Variants in AP1G2 observed in about 807,000 individuals in gnomAD.
The protein encoded by AP1G2 is AP-1 complex subunit gamma-like 2.
In AP1G2, 85 loss-of-function variants were observed where a neutral mutation model predicts 95.8. The ratio of observed to expected loss-of-function variants is 0.89; its 90% CI spans 0.74 to 1.06. The LOEUF is 1.06. Ranked by LOEUF, AP1G2 falls within the 50% of genes least tolerant of loss-of-function variation. The probability of loss-of-function intolerance (pLI) is 0.00; values close to 1 mark genes in which losing one functional copy is unlikely to be tolerated. For synonymous variants in AP1G2, 378 were observed against 400.0 expected (o/e 0.94, Z 0.66); for missense variants, 967 against 1,005.8 (o/e 0.96, Z 0.52).
Position 23,562,965 on chromosome 14 carries a change from G to A in AP1G2, c.1411-372C>T, listed in dbSNP as rs1331490156. 3.8e-6 allele frequency: 3 copies of A among 781,242 alleles called. No homozygotes were observed. In the African/African-American group the frequency reaches 5.4e-5, roughly 14 times the overall value. 48.4% of individuals were successfully genotyped at this position (781,242 alleles called of 1,614,324 possible). A position where few individuals can be genotyped will look rare whatever the true frequency, so the allele number is the denominator to read the frequency against. On this transcript the variant is annotated intron_variant, in intron 14 of 21. Coordinates refer to ENST00000397120, the MANE Select transcript of AP1G2 (RefSeq NM_003917.5). Reference sequence around the variant, plus strand: ...CTAACCAAACAGGATGGAAATGTGAGAGGGTCCCTCCCTTGTGGAAGGGGT... The same window carrying A: ...CTAACCAAACAGGATGGAAATGTGAAAGGGTCCCTCCCTTGTGGAAGGGGT...
At position 23,566,182 on chromosome 14, in the gene AP1G2, G is replaced by A. The variant is rs1303179333; in HGVS notation, c.472-22C>T. On this transcript the variant is annotated intron_variant, in intron 4 of 21. Transcript: ENST00000397120. ...TAGCCTGCAGAGGTCAGGGGCCTCA[G>A]ACAGGGGTCAGAGGAGATGGACCCC... 1.9e-6 allele frequency: 3 copies of A among 1,594,980 alleles called. No individual in the cohort carries two copies. In the African/African-American group the frequency reaches 4.0e-5, roughly 21 times the overall value.
At position 23,561,783 on chromosome 14, in the gene AP1G2, G is replaced by C. The variant is rs986326623; in HGVS notation, c.1734-148C>G. The C allele has an allele frequency of 4.1e-6, 6 of 1,465,512 alleles. No individual in the cohort carries two copies. In the African/African-American group the frequency reaches 7.1e-5, roughly 17 times the overall value. The allele number at this position is 1,465,512 out of a possible 1,614,324, so 90.8% of individuals were successfully genotyped here. A position where few individuals can be genotyped will look rare whatever the true frequency, so the allele number is the denominator to read the frequency against. ...TTTCCTAAAATGACATGTTGTTGCT[G>C]ATTTTCAGATGAACAAGGAGGGTTG... On this transcript the variant is annotated intron_variant, in intron 17 of 21. Coordinates refer to ENST00000397120, the MANE Select transcript of AP1G2 (RefSeq NM_003917.5).
At chr14:23,561,898 G>T in intron 17 of AP1G2, 64 bp downstream of exon 17, 1 of 1,540,546 alleles carries the variant, frequency 6.5e-7, no homozygotes, top group South Asian at 1.2e-5. Flanking sequence ...CTTGTACCTA[G>T]AAAAGGGCAT....
At position 23,567,375 on chromosome 14, in the gene AP1G2, G is replaced by A. The variant is rs1210410942; in HGVS notation, c.-5-56C>T. On this transcript the variant is annotated intron_variant, in intron 1 of 21. Coordinates refer to ENST00000397120, the MANE Select transcript of AP1G2 (RefSeq NM_003917.5). The surrounding 1 kb of genome is among the most constrained non-coding windows in gnomAD (Gnocchi z 5.3). ...TCTGGTCGGGCGTGCCTGGGCTTTC[G>A]GCCCAGGCCCGTCCTGTGTCAAGAC... The A allele has an allele frequency of 6.5e-7, 1 of 1,544,570 alleles. No homozygotes were observed. Among genetic ancestry groups the A allele is most frequent in the African/African-American group, 1.4e-5 (1 of 71,924 alleles).
At chr14:23,563,526 G>C (rs771582263) in intron 13 of AP1G2, 24 bp from the exon 14 acceptor site, 22 of 1,614,140 alleles carry the variant, frequency 1.4e-5, no homozygotes, top group Non-Finnish European at 1.8e-5. Context: ...GCATGGCCAA[G>C]TCAGTGTGGT....
At chr14:23,565,957 CCTGTGTGTGT>C in intron 5 of AP1G2, 65 bp from the exon 6 acceptor site, 1 of 1,607,172 alleles carries the variant, frequency 6.2e-7, no homozygotes, top group Non-Finnish European at 8.5e-7. Context: ...TGCGTGTGTG[CCTGTGTGTGT>C]GCACTACCCT....
chr14:23,562,784 G>A (rs888232008), intron 14 of AP1G2, 191 bp from the exon 15 acceptor site: 2 of 635,522 alleles, frequency 3.1e-6, no homozygotes, highest in African/African-American at 3.7e-5. Flanking sequence ...AAGAAACACT[G>A]CTGGGCCAGT....
chr14:23,564,961 C>A, intron 8 of AP1G2, 158 bp downstream of exon 8: 1 of 756,884 alleles, frequency 1.3e-6, no homozygotes, highest in Non-Finnish European at 2.2e-6. Flanking sequence ...GGCAATAGCA[C>A]TAAGACAGAC....
rs761868204 is a variant in AP1G2 at position 23,566,577 on chromosome 14, G to A, written c.314C>T (p.Thr105Ile). Residue 105 changes from threonine (T) to isoleucine (I), a missense_variant, in exon 3 of 22, where the codon ACC becomes ATC. Physicochemically the swap from Thr to Ile is moderately conservative, Grantham distance 89. Coordinates refer to ENST00000397120, the MANE Select transcript of AP1G2 (RefSeq NM_003917.5). ...DERHDAHLLI[T>I]NSIKNDLSQG... ...ACCCTCTCACTTCTTGATGCTGTTGGTAATGAGCAGGTGGGCATCGTGCCT... is the reference window on the plus strand; with the variant it reads ...ACCCTCTCACTTCTTGATGCTGTTGATAATGAGCAGGTGGGCATCGTGCCT... The A allele has an allele frequency of 1.2e-6, 2 of 1,614,156 alleles. No homozygotes were observed. Among genetic ancestry groups the A allele is most frequent in the Admixed American group, 3.3e-5 (2 of 60,030 alleles).
At position 23,567,386 on chromosome 14, in the gene AP1G2, G is replaced by A. The variant is rs568501245; in HGVS notation, c.-5-67C>T. 2.0e-6 allele frequency: 3 copies of A among 1,475,976 alleles called. No homozygotes were observed. The highest frequency in any genetic ancestry group is 1.4e-5 in the African/African-American group (1 of 69,212). The allele number at this position is 1,475,976 out of a possible 1,614,324, so 91.4% of individuals were successfully genotyped here. A position where few individuals can be genotyped will look rare whatever the true frequency, so the allele number is the denominator to read the frequency against. On this transcript the variant is annotated intron_variant, in intron 1 of 21. Transcript: ENST00000397120. This position sits in a 1 kb window ranked among gnomAD's most constrained non-coding sequence, Gnocchi z 5.3. ...GTGCCTGGGCTTTCGGCCCAGGCCCGTCCTGTGTCAAGACCCTAAGAGCCC... is the reference window on the plus strand; with the variant it reads ...GTGCCTGGGCTTTCGGCCCAGGCCCATCCTGTGTCAAGACCCTAAGAGCCC...
chr14:23,567,044 A>G lies in AP1G2; in HGVS notation c.204+67T>C. 6.7e-7 allele frequency: 1 copy of G among 1,497,186 alleles called. No homozygotes were observed. Among genetic ancestry groups the G allele is most frequent in the East Asian group, 2.3e-5 (1 of 43,472 alleles). The allele number at this position is 1,497,186 out of a possible 1,614,324, so 92.7% of individuals were successfully genotyped here. A position where few individuals can be genotyped will look rare whatever the true frequency, so the allele number is the denominator to read the frequency against. On this transcript the variant is annotated intron_variant, in intron 2 of 21. Transcript: ENST00000397120. The surrounding 1 kb of genome is among the most constrained non-coding windows in gnomAD (Gnocchi z 5.3). ...TAAAAAACCAGGGCATAAACAGGTG[A>G]GAGAGTCTGGGACTCTGCCCCACTA...
At chr14:23,560,599 A>G (rs1048853398) in intron 19 of AP1G2, 181 bp from the exon 20 acceptor site, 2 of 580,688 alleles carry the variant, frequency 3.4e-6, no homozygotes, top group African/African-American at 1.9e-5. Context: ...ACAATAAAAA[A>G]AGGCCGGGCG....
chr14:23,560,156 CTCAA>C, intron 20 of AP1G2, 95 bp downstream of exon 20: 1 of 1,501,138 alleles, frequency 6.7e-7, no homozygotes, highest in Non-Finnish European at 9.1e-7. Flanking sequence ...CTCCAGATGA[CTCAA>C]TCCCATCTCA....
Position 23,566,050 on chromosome 14 carries a change from C to G in AP1G2, c.568+14G>C, listed in dbSNP as rs1219835505. 6.2e-7 allele frequency: 1 copy of G among 1,614,092 alleles called. No individual in the cohort carries two copies. The highest frequency in any genetic ancestry group is 8.5e-7 in the Non-Finnish European group (1 of 1,180,016). On this transcript the variant is annotated intron_variant, in intron 5 of 21. Coordinates refer to ENST00000397120, the MANE Select transcript of AP1G2 (RefSeq NM_003917.5). ...TAGACCTGAAGCAAAGGATGGGGGG[C>G]CCCACAGCCTTACCATGGTGACGCT...
chr14:23,565,900 C>T lies in AP1G2; in HGVS notation c.569-8G>A. 6.3e-7 allele frequency: 1 copy of T among 1,593,034 alleles called. No homozygotes were observed. Among genetic ancestry groups the T allele is most frequent in the South Asian group, 1.1e-5 (1 of 88,344 alleles). ...TGGTGCCCAGCAGGATGCCTGGGGT[C>T]AGCGTCGGGGAAGTGAATGGTGGGG... On this transcript the variant is annotated splice_polypyrimidine_tract_variant and splice_region_variant and intron_variant, in intron 5 of 21. Coordinates refer to ENST00000397120, the MANE Select transcript of AP1G2 (RefSeq NM_003917.5).
chr14:23,562,088 G>A, intron 16 of AP1G2, 22 bp from the exon 17 acceptor site: 5 of 1,611,042 alleles, frequency 3.1e-6, no homozygotes, highest in Non-Finnish European at 4.2e-6. Context: ...TAGTATGTAA[G>A]TGGCTATGGC....
At chr14:23,562,727 A>ACCG (rs552368679) in intron 14 of AP1G2, 134 bp from the exon 15 acceptor site, 2 of 741,832 alleles carry the variant, frequency 2.7e-6, no homozygotes, top group African/African-American at 3.7e-5. Flanking sequence ...ACAAAGCGAG[A>ACCG]CCCCCCCCAT....
At position 23,560,351 on chromosome 14, in the gene AP1G2, G is replaced by T. The variant is rs538841677; in HGVS notation, c.2061C>A (p.Pro687=). ...GVQLNLSFIR[P]PENPALLLIT... The stretch of plus-strand genomic sequence containing the variant: ...TTAACAGCAAAGCAGGGTTTTCAGG[G>T]GGTCGAATGAAAGACAGATTCAGCT... The change falls in exon 20 of 22, where the codon CCC becomes CCA. Residue 687 remains proline, a synonymous_variant. Coordinates refer to ENST00000397120, the MANE Select transcript of AP1G2 (RefSeq NM_003917.5). 1 of 1,613,982 alleles carries T rather than the reference G, an allele frequency of 6.2e-7. No homozygotes were observed. Among genetic ancestry groups the T allele is most frequent in the African/African-American group, 1.3e-5 (1 of 74,910 alleles).
chr14:23,562,987 G>C, intron 14 of AP1G2: 1 of 900,108 alleles, frequency 1.1e-6, no homozygotes, highest in South Asian at 2.3e-5. Flanking sequence ...CTTGTGGAAG[G>C]GGTGGATGAT....
Sources: allele counts gnomAD v4.1 joint callset, GRCh38; gene constraint gnomAD v4.1.1; non-coding constraint Gnocchi (gnomAD v3.1); transcripts MANE v1.5; gene names NCBI Gene and HGNC (gene_info 2026-07-23, HGNC 2026-07-21).